CIMAP3: variants seen among roughly 807,000 people sequenced by gnomAD.
The protein encoded by CIMAP3 is ciliary microtubule associated protein 3.
the CIMAP3 span, chr1:111,347,715 T>C: frequency 1.2e-6 from 2 of 1,612,834 alleles, no homozygotes; most frequent in Non-Finnish European, 1.7e-6. Context: ...TCCCAACCAG[T>C]ATAAAAGGAT....
the CIMAP3 span, among the ~76,000 whole-genome samples, chr1:111,340,332 C>T: frequency 6.6e-6 from 1 of 151,372 alleles, no homozygotes; most frequent in African/African-American, 2.4e-5. Context: ...AAAGCAATGG[C>T]AACAAAAGAC....
the CIMAP3 span, chr1:111,346,382 T>C: frequency 2.3e-6 from 1 of 437,988 alleles, no homozygotes; most frequent in Non-Finnish European, 4.2e-6. Context: ...CTTCCAAAGC[T>C]ATTTGCCGCC....
the CIMAP3 span, chr1:111,351,551 G>T: frequency 2.7e-6 from 1 of 376,246 alleles, no homozygotes; most frequent in Non-Finnish European, 4.7e-6. Flanking sequence ...TGGGTCTGTG[G>T]GTTTCTGTTG....
At chr1:111,338,484 A>G in the CIMAP3 span, among the ~76,000 whole-genome samples, 1 of 42,466 alleles carries the variant, frequency 2.4e-5, no homozygotes, top group Non-Finnish European at 5.9e-5. Flanking sequence ...GAGAATAATC[A>G]TAATCAAATA....
the CIMAP3 span, chr1:111,348,476 A>T: frequency 3.2e-6 from 5 of 1,551,784 alleles, no homozygotes; most frequent in Non-Finnish European, 4.3e-6. Flanking sequence ...ATATATATAC[A>T]TATCACTCTG....
chr1:111,333,268 C>T, the CIMAP3 span, among the ~76,000 whole-genome samples: 2,322 of 152,278 alleles, frequency 0.015, 52 homozygotes, highest in African/African-American at 0.051. Context: ...TATCCTAGAT[C>T]GGGCTCCACA....
chr1:111,349,226 C>T, the CIMAP3 span: 1 of 152,358 alleles, frequency 6.6e-6, no homozygotes. Context: ...ATCTAAATGA[C>T]AAGACTGAGC....
chr1:111,326,450 A>C, the CIMAP3 span, among the ~76,000 whole-genome samples: 1 of 152,148 alleles, frequency 6.6e-6, no homozygotes, highest in Non-Finnish European at 1.5e-5. Context: ...CTCGGGTTCT[A>C]TCCATGTTGC....
chr1:111,332,914 C>T, the CIMAP3 span, among the ~76,000 whole-genome samples: 2 of 152,174 alleles, frequency 1.3e-5, no homozygotes, highest in Non-Finnish European at 1.5e-5. Flanking sequence ...TTTGCTCCAC[C>T]AGCCCAGAGG....
the CIMAP3 span, chr1:111,346,714 G>T: frequency 1.9e-6 from 3 of 1,594,016 alleles, no homozygotes; most frequent in Non-Finnish European, 2.6e-6. Flanking sequence ...GGGCAGGTAG[G>T]GGGAAGGGTG....
the CIMAP3 span, chr1:111,347,618 C>CTTTTTTTTTTTTTTTTTTTTTTG: frequency 2.2e-6 from 2 of 928,426 alleles, no homozygotes; most frequent in Non-Finnish European, 3.2e-6. Flanking sequence ...GTTGTTTTTT[C>CTTTTTTTTTTTTTTTTTTTTTTG]TTTCTTTTTT....
At chr1:111,350,205 A>G in the CIMAP3 span, 2 of 1,611,802 alleles carry the variant, frequency 1.2e-6, no homozygotes, top group Non-Finnish European at 1.7e-6. Context: ...GTCTACAGAA[A>G]AGAACCCTAA....
At chr1:111,332,906 T>G in the CIMAP3 span, among the ~76,000 whole-genome samples, 46,136 of 152,134 alleles carry the variant, frequency 0.3, 7,666 homozygotes, top group South Asian at 0.42. Flanking sequence ...GATACATATT[T>G]GCTCCACCAG....
At chr1:111,335,076 T>G in the CIMAP3 span, among the ~76,000 whole-genome samples, 3 of 125,570 alleles carry the variant, frequency 2.4e-5, no homozygotes, top group South Asian at 7.4e-4. Flanking sequence ...TGCAGTGAGC[T>G]GAGATTGGGT....
At chr1:111,337,753 T>C in the CIMAP3 span, among the ~76,000 whole-genome samples, 1 of 152,140 alleles carries the variant, frequency 6.6e-6, no homozygotes, top group African/African-American at 2.4e-5. Flanking sequence ...AATGGGAGAC[T>C]TTAACACCCC....
At chr1:111,334,491 C>T in the CIMAP3 span, among the ~76,000 whole-genome samples, 1 of 152,144 alleles carries the variant, frequency 6.6e-6, no homozygotes, top group African/African-American at 2.4e-5. Context: ...CACAGATGTA[C>T]ATTCACAAGA....
chr1:111,332,871 G>A, the CIMAP3 span, among the ~76,000 whole-genome samples: 6 of 152,200 alleles, frequency 3.9e-5, no homozygotes, highest in African/African-American at 1.2e-4. Context: ...GGGGCGGCCT[G>A]TGAATTTCTC....
At chr1:111,346,286 C>G in the CIMAP3 span, 1 of 200,040 alleles carries the variant, frequency 5.0e-6, no homozygotes. Flanking sequence ...TTTCTACTTT[C>G]ACCTTACTTG....
the CIMAP3 span, chr1:111,324,995 G>A: frequency 3.1e-6 from 2 of 647,782 alleles, no homozygotes; most frequent in Admixed American, 1.3e-4. Flanking sequence ...GATTACACAA[G>A]TTCTCTGATT....
Sources: gnomAD v4.1 joint callset for allele counts (sites outside exome capture counted in the v4.1 genomes callset) on GRCh38, gnomAD v4.1.1 for gene constraint, MANE v1.5 for transcripts, NCBI Gene and HGNC (gene_info 2026-07-23, HGNC 2026-07-21) for gene names.